AGBL1: variants seen among roughly 807,000 people sequenced by gnomAD.
The protein encoded by AGBL1 is AGBL carboxypeptidase 1, also known as cytosolic carboxypeptidase 4.
In AGBL1, 130 loss-of-function variants were observed where a neutral mutation model predicts 118.9. That is an observed-to-expected ratio of 1.09 (90% CI 0.95 to 1.26). The LOEUF (loss-of-function observed/expected upper bound fraction) is 1.26, where lower values mean the gene tolerates loss of function less well. AGBL1 is among the 50% of genes most tolerant of loss of function. The probability of loss-of-function intolerance (pLI) is 0.00; values close to 1 mark genes in which losing one functional copy is unlikely to be tolerated. For missense variants in AGBL1, 1,584 were observed against 1,298.1 expected (o/e 1.22, Z -3.38); for synonymous variants, 555 against 478.9 (o/e 1.16, Z -2.08).
chr15:86,428,432 T>C (rs754487628), intron 18 of AGBL1, among the ~76,000 whole-genome samples: 2 of 152,226 alleles, frequency 1.3e-5, no homozygotes, highest in Non-Finnish European at 2.9e-5. Flanking sequence ...AGTCCTATTT[T>C]CCCCCGTCTT....
intron 21 of AGBL1, among the ~76,000 whole-genome samples, chr15:86,652,203 T>C (rs930920262): frequency 2.0e-5 from 3 of 152,192 alleles, no homozygotes; most frequent in African/African-American, 4.8e-5. Context: ...AGACAATATA[T>C]GGAGGTACAC....
At chr15:86,564,698 T>A (rs2083885306) in intron 21 of AGBL1, among the ~76,000 whole-genome samples, 1 of 152,360 alleles carries the variant, frequency 6.6e-6, no homozygotes, top group African/African-American at 2.4e-5. Context: ...GTTGGGGAAG[T>A]TCTCCTGGAT....
In AGBL1 at chr15:86,397,452, C is replaced by T. The variant is rs200957192; in HGVS notation, c.2461C>T (p.Leu821=). 271 of 1,613,014 alleles carry T rather than the reference C, an allele frequency of 1.7e-4. 1 individual carries two copies. The highest frequency in any genetic ancestry group is 3.9e-5 in the Non-Finnish European group (46 of 1,179,408). ...GGTGATGAAGGGTACCTTGGAGTTC[C>T]TGGTCAGCAGTGACCCTGTGGCTAG... ...SWVMKGTLEF[L]VSSDPVARLL... Residue 821 remains leucine, a synonymous_variant, in exon 18 of 23, where the codon CTG becomes TTG. Coordinates refer to ENST00000614907, the MANE Select transcript of AGBL1 (RefSeq NM_001386094.1).
At chr15:86,723,922 A>C (rs1192967912) in intron 22 of AGBL1, among the ~76,000 whole-genome samples, 2 of 151,968 alleles carry the variant, frequency 1.3e-5, no homozygotes, top group Non-Finnish European at 2.9e-5. Flanking sequence ...ATTATGAGGG[A>C]GTAAGATGAC....
intron 22 of AGBL1, among the ~76,000 whole-genome samples, chr15:86,825,201 A>G (rs1362148096): frequency 6.6e-6 from 1 of 151,988 alleles, no homozygotes; most frequent in African/African-American, 2.4e-5. Flanking sequence ...TTGGACATCC[A>G]TAGGAAAGAA....
chr15:86,357,986 T>C (rs1274304954), intron 17 of AGBL1, among the ~76,000 whole-genome samples: 1 of 152,124 alleles, frequency 6.6e-6, no homozygotes, highest in South Asian at 2.1e-4. Flanking sequence ...ACAATTAAGC[T>C]AATTAATATA....
chr15:86,139,087 T>C (rs528167886), intron 1 of AGBL1, among the ~76,000 whole-genome samples: 1 of 152,298 alleles, frequency 6.6e-6, no homozygotes, highest in East Asian at 1.9e-4. Context: ...TGGTGTGGAC[T>C]TGGAGTTTCA....
chr15:86,870,454 CAAAAAAAAAAAAAAAAAAAAAAAAAAAAA>C (rs770556494), intron 22 of AGBL1, among the ~76,000 whole-genome samples: 1 of 64,128 alleles, frequency 1.6e-5, no homozygotes, highest in Admixed American at 2.0e-4. Flanking sequence ...AAGCATACTG[CAAAAAAAAAAAAAAAAAAAAAAAAAAAAA>C]AAAAAAAAAA....
chr15:86,934,139 T>C (rs141153289), intron 23 of AGBL1, among the ~76,000 whole-genome samples: 1 of 152,258 alleles, frequency 6.6e-6, no homozygotes, highest in East Asian at 1.9e-4. Flanking sequence ...TGCTCAGAGG[T>C]CAGAATTATG....
chr15:86,864,507 T>G (rs2079599445), intron 22 of AGBL1, among the ~76,000 whole-genome samples: 1 of 152,190 alleles, frequency 6.6e-6, no homozygotes, highest in Non-Finnish European at 1.5e-5. Context: ...TTGAAGCAAC[T>G]TGGCTATGGT....
rs1460820444 is a variant in AGBL1, at chr15:86,735,653, G to GATATATATATATATATATATATATAT, written c.3158+61218_3158+61219insTATATATATATATATATATATATATA. Among the ~76,000 whole-genome samples the GATATATATATATATATATATATATAT allele has an allele frequency of 7.6e-4, 108 of 143,032 alleles. 3 individuals carry two copies. Among genetic ancestry groups the GATATATATATATATATATATATATAT allele is most frequent in the South Asian group, 5.4e-3 (24 of 4,406 alleles). The allele number at this position is 143,032 out of a possible 152,430, so 93.8% of individuals were successfully genotyped here. ...GTGTGTGTATTTCCTGCTACAAAGA[G>GATATATATATATATATATATATATAT]AGATATATATATATATTTTATTTGT... On this transcript the variant is annotated intron_variant, in intron 22 of 22. Coordinates refer to ENST00000614907, the MANE Select transcript of AGBL1 (RefSeq NM_001386094.1).
At chr15:86,943,499 G>A (rs1013230082) in intron 23 of AGBL1, among the ~76,000 whole-genome samples, 1 of 152,174 alleles carries the variant, frequency 6.6e-6, no homozygotes, top group Non-Finnish European at 1.5e-5. Context: ...CCTTGAGGAT[G>A]TGGTGTCTGA....
chr15:86,411,375 T>C (rs2081617642), intron 18 of AGBL1, among the ~76,000 whole-genome samples: 2 of 152,080 alleles, frequency 1.3e-5, no homozygotes, highest in South Asian at 4.1e-4. Context: ...AAGGCTGGCA[T>C]TGGAAAATTG....
intron 22 of AGBL1, among the ~76,000 whole-genome samples, chr15:86,740,491 C>A (rs935268504): frequency 1.3e-5 from 2 of 152,030 alleles, no homozygotes; most frequent in East Asian, 1.9e-4. Context: ...TGCTAACATG[C>A]GAGTAGATTC....
intron 3 of AGBL1, among the ~76,000 whole-genome samples, chr15:86,149,575 T>C (rs1440726670): frequency 6.6e-6 from 1 of 152,192 alleles, no homozygotes; most frequent in Admixed American, 6.5e-5. Flanking sequence ...CAAGAAGAGC[T>C]AACTCTCCTA....
At chr15:86,359,387 CTTTTTTTTTTTTTT>C (rs56189861) in intron 17 of AGBL1, among the ~76,000 whole-genome samples, 1 of 93,790 alleles carries the variant, frequency 1.1e-5, no homozygotes, top group East Asian at 3.5e-4. Context: ...TATTGGTTTT[CTTTTTTTTTTTTTT>C]TTTTTTTTTT....
chr15:86,734,177 C>T lies in AGBL1; in HGVS notation c.3158+59741C>T, dbSNP rs75951927. ...TATCTGTTTTGACCCAAGGCACTTA[C>T]GTTCTTAAATGTTATGAAAGTTGTT... On this transcript the variant is annotated intron_variant, in intron 22 of 22. Coordinates refer to ENST00000614907, the MANE Select transcript of AGBL1 (RefSeq NM_001386094.1). Among the ~76,000 whole-genome samples the T allele has an allele frequency of 7.5e-3, 1,144 of 152,220 alleles. 5 individuals carry two copies. The highest frequency in any genetic ancestry group is 0.023 in the African/African-American group (973 of 41,524).
At chr15:86,320,722 C>CATGTGT (rs2080092853) in intron 17 of AGBL1, among the ~76,000 whole-genome samples, 1 of 148,056 alleles carries the variant, frequency 6.8e-6, no homozygotes, top group Non-Finnish European at 1.5e-5. Flanking sequence ...TGTGTGTGTG[C>CATGTGT]GTGTGTGTGT....
intron 18 of AGBL1, among the ~76,000 whole-genome samples, chr15:86,453,528 G>C (rs2082222818): frequency 6.6e-6 from 1 of 152,184 alleles, no homozygotes; most frequent in African/African-American, 2.4e-5. Flanking sequence ...CTTGATGGAG[G>C]CATTTTCTTC....
Sources: allele counts gnomAD v4.1 joint callset (sites outside exome capture counted in the v4.1 genomes callset), GRCh38; gene constraint gnomAD v4.1.1; transcripts MANE v1.5; gene names NCBI Gene and HGNC (gene_info 2026-07-23, HGNC 2026-07-21).